The following GPATCH2 variants were observed in gnomAD, a reference collection of about 807,000 sequenced individuals.
The protein encoded by GPATCH2 is G patch domain-containing protein 2.
Under a neutral mutation model 58.0 loss-of-function variants are expected in GPATCH2, and 51 were observed. The ratio of observed to expected loss-of-function variants is 0.88; its 90% confidence interval spans 0.70 to 1.11. The LOEUF (loss-of-function observed/expected upper bound fraction) is 1.11. Ranked by LOEUF, GPATCH2 falls within the 50% of genes most tolerant of loss-of-function variation. The probability of loss-of-function intolerance (pLI) is 0.00; values close to 1 mark genes in which losing one functional copy is unlikely to be tolerated. For synonymous variants in GPATCH2, 222 were observed against 218.5 expected (o/e 1.02, Z -0.14); for missense variants, 625 against 652.2 (o/e 0.96, Z 0.45).
At chr1:217,552,156 G>A (rs1036961607) in intron 5 of GPATCH2, among the ~76,000 whole-genome samples, 3 of 151,856 alleles carry the variant, frequency 2.0e-5, no homozygotes, top group African/African-American at 2.4e-5. Context: ...ATAAAACCTT[G>A]TAAACTTCTC....
At chr1:217,488,464 T>C (rs1326467142) in intron 8 of GPATCH2, among the ~76,000 whole-genome samples, 1 of 152,148 alleles carries the variant, frequency 6.6e-6, no homozygotes, top group Non-Finnish European at 1.5e-5. Flanking sequence ...TTTTAAAACT[T>C]GGTAAAGTTT....
At chr1:217,455,358 C>G (rs770289300) in intron 8 of GPATCH2, among the ~76,000 whole-genome samples, 2 of 152,174 alleles carry the variant, frequency 1.3e-5, no homozygotes, top group Non-Finnish European at 2.9e-5. Context: ...TCAGCTGCCC[C>G]TGGCTCCTAT....
intron 6 of GPATCH2, among the ~76,000 whole-genome samples, chr1:217,510,176 A>G (rs1405240191): frequency 1.3e-5 from 2 of 152,282 alleles, no homozygotes; most frequent in East Asian, 3.9e-4. Context: ...AAAATTCCTC[A>G]TGTAAGTTTA....
chr1:217,503,280 A>G lies in GPATCH2; in HGVS notation c.1167-4885T>C, dbSNP rs147859056. On this transcript the variant is annotated intron_variant, in intron 6 of 9. Coordinates refer to ENST00000366935, the MANE Select transcript of GPATCH2 (RefSeq NM_018040.5). Reference sequence around the variant, plus strand: ...GGTGAACTTTTCCAGAGAAGTTTCTAAAAAGTGACGTAGGAAGAAATCAGG... The same window carrying G: ...GGTGAACTTTTCCAGAGAAGTTTCTGAAAAGTGACGTAGGAAGAAATCAGG... Among the ~76,000 whole-genome samples the G allele has an allele frequency of 2.9e-3, 434 of 152,246 alleles. 1 individual carries two copies. Among genetic ancestry groups the G allele is most frequent in the African/African-American group, 9.5e-3 (395 of 41,548 alleles).
At chr1:217,461,412 T>C (rs1223971510) in intron 8 of GPATCH2, among the ~76,000 whole-genome samples, 1 of 152,194 alleles carries the variant, frequency 6.6e-6, no homozygotes, top group Non-Finnish European at 1.5e-5. Context: ...GCTATATATG[T>C]ACACAAACTA....
intron 5 of GPATCH2, among the ~76,000 whole-genome samples, chr1:217,526,533 T>C (rs545455152): frequency 6.6e-6 from 1 of 152,158 alleles, no homozygotes; most frequent in Non-Finnish European, 1.5e-5. Flanking sequence ...AGTTAACAAA[T>C]AGCAGTGTAA....
chr1:217,456,569 A>G (rs1251431288), intron 8 of GPATCH2, among the ~76,000 whole-genome samples: 2 of 152,182 alleles, frequency 1.3e-5, no homozygotes, highest in East Asian at 3.9e-4. Flanking sequence ...CAAGGAGGTG[A>G]GATGCAGGGG....
chr1:217,486,667 C>T (rs964184967), intron 8 of GPATCH2, among the ~76,000 whole-genome samples: 2 of 152,144 alleles, frequency 1.3e-5, no homozygotes, highest in African/African-American at 2.4e-5. Flanking sequence ...ATGAGTTCAT[C>T]TTCCTCTGAG....
At chr1:217,536,138 G>C (rs759057962) in intron 5 of GPATCH2, among the ~76,000 whole-genome samples, 3 of 152,094 alleles carry the variant, frequency 2.0e-5, no homozygotes, top group Admixed American at 6.5e-5. Context: ...GAAAATCTGG[G>C]AGTCATCTAT....
At chr1:217,545,881 A>G (rs1665018253) in intron 5 of GPATCH2, among the ~76,000 whole-genome samples, 1 of 152,230 alleles carries the variant, frequency 6.6e-6, no homozygotes, top group Non-Finnish European at 1.5e-5. Context: ...ATAACTGTTA[A>G]ACAGACATTT....
intron 6 of GPATCH2, among the ~76,000 whole-genome samples, chr1:217,505,705 A>C (rs1052050222): frequency 6.6e-6 from 1 of 152,220 alleles, no homozygotes; most frequent in Admixed American, 6.5e-5. Flanking sequence ...CAGAGGCATA[A>C]TTTCATTTTA....
At chr1:217,558,857 G>A (rs1378851543) in intron 5 of GPATCH2, among the ~76,000 whole-genome samples, 3 of 152,166 alleles carry the variant, frequency 2.0e-5, no homozygotes, top group Non-Finnish European at 2.9e-5. Flanking sequence ...TAAGGCAAAA[G>A]CCTAGAAGTC....
At chr1:217,501,624 T>A (rs1414419398) in intron 6 of GPATCH2, among the ~76,000 whole-genome samples, 2 of 152,120 alleles carry the variant, frequency 1.3e-5, no homozygotes, top group African/African-American at 4.8e-5. Flanking sequence ...TATGTTTTAC[T>A]TCAGCCAATC....
chr1:217,494,272 T>A (rs1327249327), intron 7 of GPATCH2, among the ~76,000 whole-genome samples: 1 of 152,186 alleles, frequency 6.6e-6, no homozygotes, highest in African/African-American at 2.4e-5. Flanking sequence ...TCTCACCTTA[T>A]CAGTACAATT....
intron 5 of GPATCH2, among the ~76,000 whole-genome samples, chr1:217,596,622 A>T (rs888889342): frequency 6.6e-6 from 1 of 152,208 alleles, no homozygotes; most frequent in African/African-American, 2.4e-5. Context: ...TATTAGTTTA[A>T]CACAAAAGCT....
In GPATCH2 at chr1:217,430,944, G is replaced by A. The variant is rs1270902720; in HGVS notation, c.*201C>T. ...GGAAATTACTGAAAAAAATTAAAGT[G>A]CAGAGGTTTTCATTTTAGCACCATG... is the stretch of plus-strand genomic sequence containing the variant. On this transcript the variant is annotated 3_prime_UTR_variant, in exon 10 of 10. Transcript: ENST00000366935. 6.8e-6 allele frequency: 4 copies of A among 588,246 alleles called. No homozygotes were observed. The highest frequency in any genetic ancestry group is 1.9e-5 in the African/African-American group (1 of 53,624). 36.4% of individuals were successfully genotyped at this position (588,246 alleles called of 1,614,324 possible).
chr1:217,559,771 A>C (rs994327982), intron 5 of GPATCH2, among the ~76,000 whole-genome samples: 1 of 151,564 alleles, frequency 6.6e-6, no homozygotes. Context: ...GACAGACACC[A>C]CAACAAGTGA....
intron 1 of GPATCH2, among the ~76,000 whole-genome samples, chr1:217,621,413 A>G (rs1669180764): frequency 6.6e-6 from 1 of 152,190 alleles, no homozygotes; most frequent in East Asian, 1.9e-4. Context: ...ATCGAGATCT[A>G]GAGGCACCTA....
intron 5 of GPATCH2, among the ~76,000 whole-genome samples, chr1:217,578,038 C>A (rs1666890450): frequency 6.9e-6 from 1 of 144,500 alleles, no homozygotes; most frequent in South Asian, 2.2e-4. Flanking sequence ...TGAGCCACTG[C>A]ATCTGGCCTG....
Sources: gnomAD v4.1 joint callset for allele counts (sites outside exome capture counted in the v4.1 genomes callset) on GRCh38, gnomAD v4.1.1 for gene constraint, MANE v1.5 for transcripts, NCBI Gene and HGNC (gene_info 2026-07-23, HGNC 2026-07-21) for gene names.